MYBL1: variants seen among roughly 807,000 people sequenced by gnomAD.
The protein encoded by MYBL1 is myb-related protein A.
In MYBL1, 17 loss-of-function variants were observed where a neutral mutation model predicts 96.3. The ratio of observed to expected loss-of-function variants is 0.18; its 90% CI spans 0.12 to 0.26. The LOEUF (loss-of-function observed/expected upper bound fraction) is 0.26. Among genes scored for constraint, MYBL1 ranks in the 10% least tolerant of loss-of-function variants. MYBL1 has a pLI of 1.00. For synonymous variants in MYBL1, 282 were observed against 292.7 expected, an observed-to-expected ratio of 0.96 and a Z score of 0.37; for missense variants, 701 against 882.9, an observed-to-expected ratio of 0.79 and a Z score of 2.61.
At chr8:66,580,966 T>A (rs1809186763) in intron 8 of MYBL1, among the ~76,000 whole-genome samples, 1 of 151,660 alleles carries the variant, frequency 6.6e-6, no homozygotes, top group African/African-American at 2.4e-5. Flanking sequence ...GTTCAAGCAA[T>A]TCTCCTGCCT....
chr8:66,579,981 T>A (rs1381035412), intron 9 of MYBL1, among the ~76,000 whole-genome samples, 152 bp downstream of exon 9: 1 of 144,974 alleles, frequency 6.9e-6, no homozygotes, highest in Non-Finnish European at 1.5e-5. Context: ...AAATTTAAAC[T>A]TTTTTCCCCT....
At chr8:66,609,574 T>G (rs1371575814) in intron 1 of MYBL1, among the ~76,000 whole-genome samples, 1 of 152,022 alleles carries the variant, frequency 6.6e-6, no homozygotes, top group East Asian at 1.9e-4. Context: ...TATTTCCAAA[T>G]CTGGACTGTG....
intron 12 of MYBL1, among the ~76,000 whole-genome samples, chr8:66,570,141 C>T (rs1037890775): frequency 8.5e-5 from 13 of 152,116 alleles, no homozygotes; most frequent in African/African-American, 3.1e-4. Flanking sequence ...TCATTGCCTT[C>T]CTTTTATCTT....
chr8:66,593,812 A>T (rs956253746), intron 6 of MYBL1, among the ~76,000 whole-genome samples: 6 of 152,188 alleles, frequency 3.9e-5, no homozygotes, highest in Admixed American at 2.0e-4. Context: ...CAGTAGTGGA[A>T]AGAAATATGA....
At chr8:66,580,103 CT>C (rs1217312996) in intron 9 of MYBL1, 29 bp downstream of exon 9, 9 of 1,499,168 alleles carry the variant, frequency 6.0e-6, no homozygotes, top group Non-Finnish European at 7.3e-6. Flanking sequence ...TAAAATTGAA[CT>C]TTTGATAATC....
At chr8:66,567,210 T>C (rs1337709386) in intron 12 of MYBL1, among the ~76,000 whole-genome samples, 1 of 152,212 alleles carries the variant, frequency 6.6e-6, no homozygotes, top group African/African-American at 2.4e-5. Context: ...TCTAGGCTAC[T>C]AAACAAAAAT....
At position 66,589,544 on chromosome 8, in the gene MYBL1, G is replaced by A. The variant is rs555431853; in HGVS notation, c.867+2896C>T. On this transcript the variant is annotated intron_variant, in intron 8 of 15. Coordinates refer to ENST00000522677, the MANE Select transcript of MYBL1 (RefSeq NM_001080416.4). The stretch of plus-strand genomic sequence containing the variant: ...TGCCCAGGTTGGAGTGCAGGGGTGT[G>A]ATAACTGCTGACTGCAGCCTCGACC... 2.0e-5 allele frequency among the ~76,000 whole-genome samples: 3 copies of A among 152,138 alleles called. No individual in the cohort carries two copies. In the South Asian group the frequency reaches 6.2e-4, roughly 32 times the overall value.
chr8:66,563,222 CT>C lies in MYBL1; in HGVS notation c.*1474del, dbSNP rs917989310. 3 of 152,404 alleles carry C rather than the reference CT, an allele frequency of 2.0e-5. No homozygotes were observed. The highest frequency in any genetic ancestry group is 7.3e-5 in the African/African-American group (3 of 41,368). 9.4% of individuals were successfully genotyped at this position (152,404 alleles called of 1,614,324 possible). A position where few individuals can be genotyped will look rare whatever the true frequency, so the allele number is the denominator to read the frequency against. On this transcript the variant is annotated 3_prime_UTR_variant, in exon 16 of 16. Transcript: ENST00000522677. ...CAAGTGGTGGTCGCTCTTTCCTTCT[CT>C]CGTAGCAGCAAGCCGATTCTGCTAT... is the stretch of plus-strand genomic sequence containing the variant.
chr8:66,572,331 A>G, intron 12 of MYBL1, 151 bp downstream of exon 12: 2 of 412,910 alleles, frequency 4.8e-6, no homozygotes, highest in South Asian at 4.2e-5. Context: ...AAAAAAAAAC[A>G]AAAAAAAAAC....
chr8:66,597,543 T>G lies in MYBL1; in HGVS notation c.299A>C (p.Glu100Ala). Residue 100 changes from glutamate (E) to alanine (A), a missense_variant, in exon 5 of 16, where the codon GAA becomes GCA. By Grantham distance (107) the Glu-to-Ala change is moderately radical (BLOSUM62 -1). Coordinates refer to ENST00000522677, the MANE Select transcript of MYBL1 (RefSeq NM_001080416.4). Reference protein sequence around the residue: ...WTKEEDQRVIELVQKYGPKRW... With the variant: ...WTKEEDQRVIALVQKYGPKRW... ...TTTTGGCCCATATTTCTGAACTAAT[T>G]CAATAACCTAGGAAACAGAAAAACA... The G allele has an allele frequency of 1.3e-6, 2 of 1,595,376 alleles. No homozygotes were observed. Among genetic ancestry groups the G allele is most frequent in the Non-Finnish European group, 1.7e-6 (2 of 1,167,450 alleles).
At chr8:66,594,621 T>C (rs1207456558) in intron 6 of MYBL1, among the ~76,000 whole-genome samples, 7 of 152,168 alleles carry the variant, frequency 4.6e-5, no homozygotes, top group Admixed American at 2.6e-4. Flanking sequence ...TTTCAGTTTA[T>C]GCTGCTGAAA....
intron 3 of MYBL1, among the ~76,000 whole-genome samples, chr8:66,599,788 GA>G (rs1246498682): frequency 2.7e-5 from 4 of 149,902 alleles, no homozygotes; most frequent in African/African-American, 9.8e-5. Context: ...CAACAAGAGC[GA>G]AACTCTCATC....
intron 15 of MYBL1, among the ~76,000 whole-genome samples, chr8:66,565,672 G>A (rs1808476426): frequency 6.6e-6 from 1 of 152,004 alleles, no homozygotes; most frequent in South Asian, 2.1e-4. Flanking sequence ...GAGCCAAAAA[G>A]TTCACTGGAA....
chr8:66,581,325 A>G (rs1809202527), intron 8 of MYBL1, among the ~76,000 whole-genome samples: 1 of 152,294 alleles, frequency 6.6e-6, no homozygotes, highest in South Asian at 2.1e-4. Flanking sequence ...CCTCTCCTGT[A>G]TGTTACCATA....
At chr8:66,606,146 C>T (rs185424564) in intron 1 of MYBL1, among the ~76,000 whole-genome samples, 1 of 152,304 alleles carries the variant, frequency 6.6e-6, no homozygotes, top group Admixed American at 6.5e-5. Context: ...GGAATCAGAA[C>T]AAGGTTCTGG....
intron 5 of MYBL1, among the ~76,000 whole-genome samples, chr8:66,596,974 T>C (rs1809876795): frequency 6.6e-6 from 1 of 152,190 alleles, no homozygotes; most frequent in Non-Finnish European, 1.5e-5. Context: ...GAACGCAATA[T>C]GAAAGAAATC....
Position 66,597,445 on chromosome 8 carries a change from G to A in MYBL1, c.397C>T (p.Leu133=). The A allele has an allele frequency of 6.2e-7, 1 of 1,613,092 alleles. No homozygotes were observed. The highest frequency in any genetic ancestry group is 8.5e-7 in the Non-Finnish European group (1 of 1,179,368). Residue 133 remains leucine (L), a synonymous_variant, in exon 5 of 16, where the codon CTG becomes TTG. Coordinates refer to ENST00000522677, the MANE Select transcript of MYBL1 (RefSeq NM_001080416.4). ...GAAGATTTCTTTACCTCAGGATTCA[G>A]ATGATTATGCCATCTTTCTCTACAC... is the stretch of plus-strand genomic sequence containing the variant. ...KQCRERWHNH[L]NPEVKKSSWT...
At chr8:66,577,364 A>G (rs1247585568) in intron 9 of MYBL1, among the ~76,000 whole-genome samples, 2 of 146,566 alleles carry the variant, frequency 1.4e-5, no homozygotes, top group Admixed American at 6.8e-5. Context: ...TAAGCTGATA[A>G]GCAACTTCAG....
chr8:66,580,656 C>T (rs1809170173), intron 8 of MYBL1, among the ~76,000 whole-genome samples: 1 of 152,176 alleles, frequency 6.6e-6, no homozygotes, highest in Admixed American at 6.5e-5. Flanking sequence ...CATTTCTCAA[C>T]ACTTCTACTC....
Sources: allele counts gnomAD v4.1 joint callset (sites outside exome capture counted in the v4.1 genomes callset), GRCh38; gene constraint gnomAD v4.1.1; transcripts MANE v1.5; gene names NCBI Gene and HGNC (gene_info 2026-07-23, HGNC 2026-07-21).